NFATC2: variants seen among roughly 807,000 people sequenced by gnomAD.
The protein encoded by NFATC2 is nuclear factor of activated T cells 2, also known as nuclear factor of activated T-cells, cytoplasmic 2.
Under a neutral mutation model 87.3 loss-of-function variants are expected in NFATC2, and 22 were observed. The ratio of observed to expected loss-of-function variants is 0.25; its 90% CI spans 0.18 to 0.36. The LOEUF is 0.36. Ranked by LOEUF, NFATC2 falls within the 10% of genes least tolerant of loss-of-function variation. The pLI, the probability that NFATC2 is intolerant of heterozygous loss-of-function variation, is 1.00. For synonymous variants in NFATC2, 565 were observed against 542.2 expected, an observed-to-expected ratio of 1.04 and a Z score of -0.58; for missense variants, 1,149 against 1,259.1, an observed-to-expected ratio of 0.91 and a Z score of 1.32.
intron 3 of NFATC2, among the ~76,000 whole-genome samples, chr20:51,507,219 G>A (rs1022346397): frequency 3.3e-5 from 5 of 152,202 alleles, no homozygotes; most frequent in East Asian, 1.9e-4. Flanking sequence ...CTTTAGGTAT[G>A]TGAGCTTCAC....
At chr20:51,452,058 A>C (rs2146417303) in intron 6 of NFATC2, among the ~76,000 whole-genome samples, 1 of 152,296 alleles carries the variant, frequency 6.6e-6, no homozygotes, top group South Asian at 2.1e-4. Flanking sequence ...GGTGCCAAAA[A>C]GGTTGGGGAC....
chr20:51,545,533 G>A (rs1437271415), upstream of NFATC2, among the ~76,000 whole-genome samples: 3 of 152,234 alleles, frequency 2.0e-5, no homozygotes, highest in African/African-American at 7.2e-5. Flanking sequence ...ATAAATGGAG[G>A]ATGGATAAGT....
At chr20:51,506,788 C>T (rs1459338382) in intron 3 of NFATC2, among the ~76,000 whole-genome samples, 3 of 152,172 alleles carry the variant, frequency 2.0e-5, no homozygotes, top group Admixed American at 6.5e-5. Flanking sequence ...TCATGGTCCC[C>T]TCTTGTGGCA....
At chr20:51,458,639 C>G (rs368775305) in intron 5 of NFATC2, among the ~76,000 whole-genome samples, 1 of 137,958 alleles carries the variant, frequency 7.2e-6, no homozygotes, top group African/African-American at 3.0e-5. Flanking sequence ...TCTACTAAAA[C>G]TCCAAAAAAA....
At chr20:51,553,675 C>CAAAA (rs35610887) in intron 1 of NFATC2, among the ~76,000 whole-genome samples, 1 of 104,820 alleles carries the variant, frequency 9.5e-6, no homozygotes, top group African/African-American at 3.9e-5. Context: ...GACTCCATCT[C>CAAAA]AAAAAAAAAA....
chr20:51,452,210 A>G (rs988205716), intron 6 of NFATC2, among the ~76,000 whole-genome samples: 1 of 151,942 alleles, frequency 6.6e-6, no homozygotes, highest in Admixed American at 6.6e-5. Context: ...CCCCCCAATC[A>G]CTGGACTCTC....
intron 3 of NFATC2, among the ~76,000 whole-genome samples, chr20:51,491,932 C>G (rs2075897083): frequency 6.9e-6 from 1 of 144,276 alleles, no homozygotes; most frequent in Non-Finnish European, 1.5e-5. Context: ...CTTGCCCCAG[C>G]CCTACTCCCT....
intron 5 of NFATC2, among the ~76,000 whole-genome samples, chr20:51,472,516 T>C (rs1988302981): frequency 6.6e-6 from 1 of 151,344 alleles, no homozygotes; most frequent in African/African-American, 2.4e-5. Context: ...CATAATTTAA[T>C]ATGGAACATG....
rs368489028 is a variant in NFATC2, at chr20:51,452,177, C to T, written c.1849+2371G>A. ...TCCTCAACTCACTGCCACCTGGGTA[C>T]GTGTGATTCAAATCACCAGAGGCCC... On this transcript the variant is annotated intron_variant, in intron 6 of 10. Coordinates refer to ENST00000371564, the MANE Select transcript of NFATC2 (RefSeq NM_012340.5). Among the ~76,000 whole-genome samples, 33 of 152,228 alleles carry T rather than the reference C, an allele frequency of 2.2e-4. No individual in the cohort carries two copies. The East Asian group carries it at 6.0e-3, about 28-fold the overall frequency.
At chr20:51,464,827 G>A (rs759998387) in intron 5 of NFATC2, among the ~76,000 whole-genome samples, 69 of 152,212 alleles carry the variant, frequency 4.5e-4, no homozygotes, top group Non-Finnish European at 7.9e-4. Flanking sequence ...AGGCTCAGTG[G>A]GATGCAATGT....
chr20:51,475,697 G>A, intron 3 of NFATC2, 37 bp from the exon 4 acceptor site: 1 of 1,603,924 alleles, frequency 6.2e-7, no homozygotes, highest in East Asian at 2.2e-5. Context: ...AAGGTGCGGG[G>A]TGTGGTGGCT....
chr20:51,494,469 C>T lies in NFATC2; in HGVS notation c.1333-18809G>A, dbSNP rs191150619. On this transcript the variant is annotated intron_variant, in intron 3 of 10. Coordinates refer to ENST00000371564, the MANE Select transcript of NFATC2 (RefSeq NM_012340.5). ...CTTCGCTCTTGAGGGGCTCCCCACT[C>T]CTCACCTTTATTTAAGGCCCCAAGG... 1.9e-4 allele frequency among the ~76,000 whole-genome samples: 29 copies of T among 152,290 alleles called. No individual in the cohort carries two copies. In the East Asian group the frequency reaches 3.1e-3, roughly 16 times the overall value.
chr20:51,435,749 A>C lies in NFATC2; in HGVS notation c.1862T>G (p.Ile621Ser). The change falls in exon 7 of 11, where the codon ATT (isoleucine) becomes AGT (serine). Residue 621 changes from isoleucine (I) to serine (S), a missense_variant. Around this residue, in one of 3 missense-constraint regions of NFATC2, gnomAD observed 581 missense variants for 649.7 expected, o/e 0.89. Transcript: ENST00000371564. ...FTEKTTDGQQ[I>S]WEMEATVDKD... ...ATCCACCGTGGCTTCCATCTCCCAA[A>C]TTTGCTGTCCATCTAGAAAAATTCA... 1 of 1,605,932 alleles carries C rather than the reference A, an allele frequency of 6.2e-7. No homozygotes were observed. Among genetic ancestry groups the C allele is most frequent in the African/African-American group, 1.3e-5 (1 of 74,974 alleles).
At chr20:51,554,164 C>T (rs2076958261) in intron 1 of NFATC2, among the ~76,000 whole-genome samples, 1 of 152,196 alleles carries the variant, frequency 6.6e-6, no homozygotes, top group South Asian at 2.1e-4. Flanking sequence ...CACAAGACAT[C>T]GGCTGTTCTC....
At chr20:51,404,811 G>A (rs1988398314) in intron 9 of NFATC2, among the ~76,000 whole-genome samples, 1 of 152,182 alleles carries the variant, frequency 6.6e-6, no homozygotes, top group African/African-American at 2.4e-5. Context: ...GACAGCTTTG[G>A]GCCGGCGACC....
At chr20:51,493,374 G>A (rs2075931517) in intron 3 of NFATC2, among the ~76,000 whole-genome samples, 1 of 152,050 alleles carries the variant, frequency 6.6e-6, no homozygotes, top group Admixed American at 6.5e-5. Context: ...TTTCTCATGG[G>A]GCTGTTATGG....
intron 9 of NFATC2, among the ~76,000 whole-genome samples, chr20:51,431,174 A>T (rs1982649985): frequency 6.6e-6 from 1 of 152,150 alleles, no homozygotes; most frequent in East Asian, 1.9e-4. Context: ...TCCACAAAAA[A>T]TTTTAAAAGA....
rs183644418 is a variant in NFATC2 at position 51,508,525 on chromosome 20, A to T, written c.1332+8259T>A. On this transcript the variant is annotated intron_variant, in intron 3 of 10. Coordinates refer to ENST00000371564, the MANE Select transcript of NFATC2 (RefSeq NM_012340.5). ...CAAAAGACTGGTATAGACAAGGAGG[A>T]GGTGGTGAGGATGGCTCCTCAAAAG... Among the ~76,000 whole-genome samples the T allele has an allele frequency of 3.8e-4, 58 of 152,168 alleles. 3 individuals are homozygous for T. Among genetic ancestry groups the T allele is most frequent in the Admixed American group, 3.1e-3 (48 of 15,272 alleles).
chr20:51,551,895 C>T (rs760757213), intron 1 of NFATC2, among the ~76,000 whole-genome samples: 8 of 151,458 alleles, frequency 5.3e-5, no homozygotes, highest in South Asian at 2.1e-4. Flanking sequence ...GGTGTGGTGG[C>T]GGGTGCCTGT....
Sources: gnomAD v4.1 joint callset for allele counts (sites outside exome capture counted in the v4.1 genomes callset) on GRCh38, gnomAD v4.1.1 for gene constraint, gnomAD v4.1.1 regional missense constraint, MANE v1.5 for transcripts, NCBI Gene and HGNC (gene_info 2026-07-23, HGNC 2026-07-21) for gene names.